Variants in STK33 observed in about 807,000 individuals in gnomAD.
STK33 encodes the protein serine/threonine-protein kinase 33.
STK33 carries 52 observed loss-of-function variants against 58.0 expected under a neutral mutation model. The observed-to-expected ratio is 0.90, with a 90% CI of 0.72 to 1.13. The LOEUF is 1.13. Among genes scored for constraint, STK33 ranks in the 50% most tolerant of loss-of-function variants. The probability of loss-of-function intolerance (pLI) is 0.00; values close to 1 mark genes in which losing one functional copy is unlikely to be tolerated. For synonymous variants in STK33, 215 were observed against 200.1 expected, an observed-to-expected ratio of 1.07 and a Z score of -0.63; for missense variants, 630 against 604.2, an observed-to-expected ratio of 1.04 and a Z score of -0.45.
rs575206686 is a variant in STK33, at chr11:8,575,669, A to G, written c.-466+18414T>C. On this transcript the variant is annotated intron_variant, in intron 1 of 15. Transcript: ENST00000687296. ...TTGAAAATTTTTGGAAGTAGTGGAT[A>G]ACCAGCTAATGCCACTGAATTGTAT... 2.8e-4 allele frequency among the ~76,000 whole-genome samples: 43 copies of G among 152,292 alleles called. 1 individual carries two copies. The highest frequency in any genetic ancestry group is 1.0e-3 in the African/African-American group (43 of 41,556).
At chr11:8,521,998 G>T (rs999014932) in intron 1 of STK33, among the ~76,000 whole-genome samples, 1 of 151,902 alleles carries the variant, frequency 6.6e-6, no homozygotes, top group Non-Finnish European at 1.5e-5. Flanking sequence ...AGAGGATGTG[G>T]AGAAAAAAAA....
intron 1 of STK33, among the ~76,000 whole-genome samples, chr11:8,588,594 TA>T (rs2032095388): frequency 6.6e-6 from 1 of 152,230 alleles, no homozygotes; most frequent in Non-Finnish European, 1.5e-5. Context: ...AACATAGTGG[TA>T]AATCTTTATG....
intron 1 of STK33, among the ~76,000 whole-genome samples, chr11:8,563,951 C>T (rs1367674677): frequency 3.9e-5 from 6 of 152,102 alleles, no homozygotes; most frequent in Non-Finnish European, 7.4e-5. Flanking sequence ...AAAAGAGCTA[C>T]ATTGCTGTCA....
At chr11:8,351,388 G>A in the STK33 span, among the ~76,000 whole-genome samples, 1 of 152,204 alleles carries the variant, frequency 6.6e-6, no homozygotes, top group Non-Finnish European at 1.5e-5. Flanking sequence ...ACGTGTCCAG[G>A]GCTGTGGCTT....
intron 10 of STK33, 41 bp from the exon 11 acceptor site, chr11:8,452,947 C>T: frequency 6.5e-7 from 1 of 1,540,552 alleles, no homozygotes; most frequent in Non-Finnish European, 9.0e-7. Flanking sequence ...GTTTTCCTGT[C>T]CTAGAGCTCA....
At chr11:8,448,854 G>A (rs892987081) in intron 11 of STK33, among the ~76,000 whole-genome samples, 4 of 151,816 alleles carry the variant, frequency 2.6e-5, no homozygotes, top group South Asian at 2.1e-4. Flanking sequence ...GCAACCTACG[G>A]AATGGGAGAA....
the STK33 span, among the ~76,000 whole-genome samples, chr11:8,358,757 C>T: frequency 6.6e-6 from 1 of 151,924 alleles, no homozygotes; most frequent in Non-Finnish European, 1.5e-5. Flanking sequence ...AAATAGGAAG[C>T]CATGAATCCA....
intron 11 of STK33, among the ~76,000 whole-genome samples, chr11:8,444,216 A>G (rs1253259435): frequency 1.3e-5 from 2 of 152,168 alleles, no homozygotes; most frequent in Non-Finnish European, 2.9e-5. Flanking sequence ...TAGTATTACA[A>G]AGAGCTAAAA....
chr11:8,397,153 C>G (rs1849504803), intron 15 of STK33, among the ~76,000 whole-genome samples: 1 of 152,352 alleles, frequency 6.6e-6, no homozygotes, highest in African/African-American at 2.4e-5. Flanking sequence ...TGAGAATGGA[C>G]AGACTGCCTC....
chr11:8,557,481 G>C lies in STK33; in HGVS notation c.-466+36602C>G, dbSNP rs375495039. Among the ~76,000 whole-genome samples, 322 of 151,916 alleles carry C rather than the reference G, an allele frequency of 2.1e-3. 2 individuals carry two copies. The highest frequency in any genetic ancestry group is 7.4e-3 in the African/African-American group (307 of 41,426). On this transcript the variant is annotated intron_variant, in intron 1 of 15. Coordinates refer to ENST00000687296, the MANE Select transcript of STK33 (RefSeq NM_001352389.2). The stretch of plus-strand genomic sequence containing the variant: ...AGAATAAAAACCTGTACTTACACAA[G>C]GAAAACCTTAAAGCAAATACTCAAG...
chr11:8,361,342 G>A, the STK33 span, among the ~76,000 whole-genome samples: 2 of 152,074 alleles, frequency 1.3e-5, no homozygotes, highest in African/African-American at 4.8e-5. This position sits in a 1 kb window ranked among gnomAD's most constrained non-coding sequence, Gnocchi z 4.8. Flanking sequence ...TGCCTCCCTT[G>A]GGTGGTTGTC....
At chr11:8,567,212 G>A (rs1277467893) in intron 1 of STK33, 1 of 152,058 alleles carries the variant, frequency 6.6e-6, no homozygotes, top group Non-Finnish European at 1.5e-5. Flanking sequence ...TTCAAGCATA[G>A]ACTAGGGTTA....
chr11:8,399,302 G>A (rs113947909), intron 15 of STK33, among the ~76,000 whole-genome samples: 29,930 of 152,068 alleles, frequency 0.2, 3,366 homozygotes, highest in African/African-American at 0.3. Context: ...TAGAACTCAG[G>A]ATTAAGAAAC....
At chr11:8,382,855 C>G in the STK33 span, among the ~76,000 whole-genome samples, 28 of 152,292 alleles carry the variant, frequency 1.8e-4, no homozygotes, top group South Asian at 5.6e-3. Flanking sequence ...AATCTCAGGG[C>G]TCTGTGACTC....
chr11:8,422,417 T>C (rs1440879576), intron 14 of STK33, among the ~76,000 whole-genome samples: 2 of 152,176 alleles, frequency 1.3e-5, no homozygotes, highest in Non-Finnish European at 2.9e-5. Flanking sequence ...ATAGTTTTCC[T>C]TTGTCACAAT....
intron 1 of STK33, among the ~76,000 whole-genome samples, chr11:8,547,970 C>T (rs1956055226): frequency 1.4e-5 from 2 of 145,228 alleles, no homozygotes; most frequent in African/African-American, 2.6e-5. Flanking sequence ...AATGAGAACA[C>T]TTGGACACTG....
intron 14 of STK33, among the ~76,000 whole-genome samples, chr11:8,427,574 C>T (rs891912165): frequency 3.3e-5 from 5 of 152,052 alleles, no homozygotes; most frequent in East Asian, 1.9e-4. Flanking sequence ...ATCTGAGACT[C>T]CTATTAGATG....
intron 6 of STK33, chr11:8,465,609 T>G (rs1436940165): frequency 6.6e-6 from 1 of 152,192 alleles, no homozygotes; most frequent in Non-Finnish European, 1.5e-5. Context: ...CTCCAGGGAA[T>G]TAACAAGAGT....
chr11:8,559,522 A>T, intron 1 of STK33, among the ~76,000 whole-genome samples: 1 of 152,226 alleles, frequency 6.6e-6, no homozygotes, highest in East Asian at 1.9e-4. Context: ...TCAGTTTAGT[A>T]CGTCATGCAA....
Sources: gnomAD v4.1 joint callset for allele counts (sites outside exome capture counted in the v4.1 genomes callset) on GRCh38, gnomAD v4.1.1 for gene constraint, Gnocchi (gnomAD v3.1) non-coding constraint, MANE v1.5 for transcripts, NCBI Gene and HGNC (gene_info 2026-07-23, HGNC 2026-07-21) for gene names.